AGBL1: variants seen among roughly 807,000 people sequenced by gnomAD.
AGBL1 encodes cytosolic carboxypeptidase 4.
In AGBL1, 130 loss-of-function variants were observed where a neutral mutation model predicts 118.9. The ratio of observed to expected loss-of-function variants is 1.09; its 90% CI spans 0.95 to 1.26. The LOEUF is 1.26. AGBL1 is among the 50% of genes most tolerant of loss of function. The pLI is 0.00. For missense variants in AGBL1, 1,584 were observed against 1,298.1 expected (o/e 1.22, Z -3.38); for synonymous variants, 555 against 478.9 (o/e 1.16, Z -2.08).
intron 22 of AGBL1, among the ~76,000 whole-genome samples, chr15:86,754,797 G>A (rs905985572): frequency 4.6e-5 from 7 of 151,994 alleles, no homozygotes; most frequent in Non-Finnish European, 7.4e-5. Flanking sequence ...CTGTTCAGAG[G>A]CACTGACCTT....
At chr15:86,722,912 A>T (rs1465695740) in intron 22 of AGBL1, among the ~76,000 whole-genome samples, 1 of 152,224 alleles carries the variant, frequency 6.6e-6, no homozygotes, top group Admixed American at 6.5e-5. Context: ...AATGCTCATC[A>T]TCACTGGCCA....
chr15:86,929,374 T>A (rs2080580115), intron 23 of AGBL1, among the ~76,000 whole-genome samples: 1 of 152,218 alleles, frequency 6.6e-6, no homozygotes, highest in South Asian at 2.1e-4. Context: ...TTTTTAATAC[T>A]CTTTCCTCAA....
At chr15:86,694,018 T>C (rs2142616000) in intron 22 of AGBL1, among the ~76,000 whole-genome samples, 1 of 152,276 alleles carries the variant, frequency 6.6e-6, no homozygotes, top group Middle Eastern at 3.4e-3. Flanking sequence ...TAGTTTGAAG[T>C]CAGGTAATGT....
chr15:86,625,058 C>A (rs2084863024), intron 21 of AGBL1, among the ~76,000 whole-genome samples: 1 of 152,118 alleles, frequency 6.6e-6, no homozygotes, highest in Non-Finnish European at 1.5e-5. Context: ...AGCACCGGCT[C>A]CCTCATAGAC....
chr15:86,086,984 G>C (rs1192418282), intron 1 of AGBL1, among the ~76,000 whole-genome samples: 1 of 152,186 alleles, frequency 6.6e-6, no homozygotes, highest in Admixed American at 6.5e-5. Flanking sequence ...ATCTAGGGGT[G>C]AAGTTGTGGG....
chr15:86,850,260 A>G (rs910938507), intron 22 of AGBL1, among the ~76,000 whole-genome samples: 3 of 150,212 alleles, frequency 2.0e-5, no homozygotes. Flanking sequence ...TAGGCTATGG[A>G]CATTACTTAT....
intron 17 of AGBL1, among the ~76,000 whole-genome samples, chr15:86,389,860 T>G (rs2081251037): frequency 6.6e-6 from 1 of 152,144 alleles, no homozygotes; most frequent in African/African-American, 2.4e-5. Context: ...GGAAAAAGAA[T>G]TGATTGTACA....
chr15:86,598,239 C>A (rs1302468202), intron 21 of AGBL1, among the ~76,000 whole-genome samples: 2 of 152,052 alleles, frequency 1.3e-5, no homozygotes, highest in Non-Finnish European at 2.9e-5. Context: ...AATAAGGGAG[C>A]AGCTGTGAAG....
At chr15:86,966,567 C>T (rs1167229823) in intron 23 of AGBL1, among the ~76,000 whole-genome samples, 2 of 152,028 alleles carry the variant, frequency 1.3e-5, no homozygotes, top group Non-Finnish European at 2.9e-5. Flanking sequence ...TGAGTGAGAA[C>T]ATGTGGTGTT....
chr15:86,990,110 C>T (rs959807752), intron 24 of AGBL1, among the ~76,000 whole-genome samples: 1 of 152,130 alleles, frequency 6.6e-6, no homozygotes, highest in African/African-American at 2.4e-5. Flanking sequence ...GATCCTCTGG[C>T]TTATTTGTGG....
chr15:86,655,253 A>G (rs966734176), intron 21 of AGBL1, among the ~76,000 whole-genome samples: 2 of 152,214 alleles, frequency 1.3e-5, no homozygotes, highest in East Asian at 3.9e-4. Context: ...AATCCTGAAT[A>G]TCTATTAACA....
At chr15:86,370,559 T>C (rs1474343996) in intron 17 of AGBL1, among the ~76,000 whole-genome samples, 1 of 152,128 alleles carries the variant, frequency 6.6e-6, no homozygotes, top group Non-Finnish European at 1.5e-5. Flanking sequence ...CCTCCCAAAG[T>C]TCTGGGATTA....
chr15:86,326,422 G>A (rs563541875), intron 17 of AGBL1, among the ~76,000 whole-genome samples: 8 of 152,138 alleles, frequency 5.3e-5, no homozygotes, highest in Non-Finnish European at 1.0e-4. Context: ...GAAGGGTATA[G>A]AGAATGATTT....
At chr15:86,559,136 C>T (rs1244252088) in intron 21 of AGBL1, among the ~76,000 whole-genome samples, 1 of 152,152 alleles carries the variant, frequency 6.6e-6, no homozygotes, top group African/African-American at 2.4e-5. Flanking sequence ...TGTGTCTCCC[C>T]TCTTCTTCTT....
chr15:86,135,003 A>G (rs2076870280), intron 1 of AGBL1, among the ~76,000 whole-genome samples: 1 of 151,918 alleles, frequency 6.6e-6, no homozygotes, highest in South Asian at 2.1e-4. Flanking sequence ...TGAGATCTGA[A>G]CCCCAATGTT....
intron 22 of AGBL1, among the ~76,000 whole-genome samples, chr15:86,701,906 C>G (rs1435564141): frequency 6.9e-6 from 1 of 145,864 alleles, no homozygotes; most frequent in East Asian, 2.1e-4. Flanking sequence ...CTTTCACTTT[C>G]CTCCCATCCA....
At chr15:86,798,661 A>T (rs1444217156) in intron 22 of AGBL1, among the ~76,000 whole-genome samples, 1 of 150,584 alleles carries the variant, frequency 6.6e-6, no homozygotes, top group Non-Finnish European at 1.5e-5. Flanking sequence ...AACTGGGAGG[A>T]AGACAAACTT....
rs757650131 is a variant in AGBL1 at position 86,397,382 on chromosome 15, G to T, written c.2391G>T (p.Gln797His). The T allele has an allele frequency of 3.4e-5, 54 of 1,603,458 alleles. No individual in the cohort carries two copies. Among genetic ancestry groups the T allele is most frequent in the Middle Eastern group, 1.7e-4 (1 of 6,026 alleles). ...HLEQFRHRPY[Q>H]VITARVHPGE... ...TTTCTGCAGGACATCGTCCATATCA[G>T]GTGATCACTGCTCGAGTTCATCCAG... Residue 797 changes from glutamine to histidine, a missense_variant, in exon 18 of 23, where the codon CAG becomes CAT. Gln to His is a conservative substitution (Grantham distance 24). Transcript: ENST00000614907.
At chr15:86,311,330 GCTA>G (rs1308531212) in intron 17 of AGBL1, among the ~76,000 whole-genome samples, 4 of 152,094 alleles carry the variant, frequency 2.6e-5, no homozygotes, top group Non-Finnish European at 5.9e-5. Flanking sequence ...TACTTTACAT[GCTA>G]CTTTCTTCCA....
Sources: gnomAD v4.1 joint callset for allele counts (sites outside exome capture counted in the v4.1 genomes callset) on GRCh38, gnomAD v4.1.1 for gene constraint, MANE v1.5 for transcripts, NCBI Gene and HGNC (gene_info 2026-07-23, HGNC 2026-07-21) for gene names.